The following BTG3 variants were observed in gnomAD, a reference collection of about 807,000 sequenced individuals.
The protein encoded by BTG3 is protein BTG3.
BTG3 carries 4 observed loss-of-function variants against 25.8 expected under a neutral mutation model. That is an observed-to-expected ratio of 0.16 (90% CI 0.08 to 0.36). The LOEUF is 0.36. Among genes scored for constraint, BTG3 ranks in the 10% least tolerant of loss-of-function variants. The probability of loss-of-function intolerance (pLI) is 1.00; values close to 1 mark genes in which losing one functional copy is unlikely to be tolerated. For missense variants in BTG3, 201 were observed against 304.9 expected (o/e 0.66, Z 2.54); for synonymous variants, 107 against 99.9 (o/e 1.07, Z -0.42).
intron 4 of BTG3, among the ~76,000 whole-genome samples, chr21:17,598,035 A>C (rs2061525704): frequency 6.6e-6 from 1 of 152,192 alleles, no homozygotes; most frequent in South Asian, 2.1e-4. Context: ...CCTGTTGAAG[A>C]ATGCTGTTTG....
chr21:17,611,842 A>G (rs755319090), intron 1 of BTG3: 1 of 152,208 alleles, frequency 6.6e-6, no homozygotes, highest in Non-Finnish European at 1.5e-5. Flanking sequence ...TAACTTTTGT[A>G]CTTTTCCCTC....
intron 4 of BTG3, 89 bp downstream of exon 4, chr21:17,598,528 G>A (rs2061532371): frequency 2.7e-6 from 3 of 1,117,054 alleles, no homozygotes; most frequent in Non-Finnish European, 3.8e-6. Context: ...TCTCAAGTCA[G>A]AAACCTTGGG....
intron 1 of BTG3, among the ~76,000 whole-genome samples, chr21:17,609,736 T>C (rs954729384): frequency 6.6e-6 from 1 of 152,200 alleles, no homozygotes; most frequent in Non-Finnish European, 1.5e-5. Context: ...GCAGTATTCA[T>C]AATAGCTAAA....
intron 2 of BTG3, among the ~76,000 whole-genome samples, chr21:17,607,790 G>A (rs1049807996): frequency 6.6e-6 from 1 of 152,126 alleles, no homozygotes; most frequent in African/African-American, 2.4e-5. Flanking sequence ...TATTTCTCGT[G>A]GCCACATCCA....
chr21:17,612,104 C>T (rs1476295492), intron 1 of BTG3: 3 of 152,372 alleles, frequency 2.0e-5, no homozygotes, highest in Non-Finnish European at 4.4e-5. Context: ...GAGGAGGGAT[C>T]AAACATCTCC....
At chr21:17,605,389 G>A (rs1248861649) in intron 2 of BTG3, among the ~76,000 whole-genome samples, 2 of 152,188 alleles carry the variant, frequency 1.3e-5, no homozygotes, top group Non-Finnish European at 2.9e-5. Context: ...TAATGTTTCA[G>A]ATGGTATTTG....
intron 4 of BTG3, among the ~76,000 whole-genome samples, chr21:17,595,294 G>A (rs2061490152): frequency 6.6e-6 from 1 of 151,960 alleles, no homozygotes; most frequent in African/African-American, 2.4e-5. Flanking sequence ...GCATTTCTAA[G>A]TATAGGATTT....
rs1311697497 is a variant in BTG3 at position 17,593,911 on chromosome 21, T to C, written c.*182A>G. 8 of 766,372 alleles carry C rather than the reference T, an allele frequency of 1.0e-5. No individual in the cohort carries two copies. The highest frequency in any genetic ancestry group is 5.8e-6 in the Non-Finnish European group (3 of 513,178). 47.5% of individuals were successfully genotyped at this position (766,372 alleles called of 1,614,324 possible). On this transcript the variant is annotated 3_prime_UTR_variant, in exon 5 of 5. Coordinates refer to ENST00000348354, the MANE Select transcript of BTG3 (RefSeq NM_006806.5). ...CTTTAATAAAATTTCTCAAACTATA[T>C]CAATATCTAAAGTGCATATATTTTT...
chr21:17,602,833 A>G (rs910392113), intron 3 of BTG3, among the ~76,000 whole-genome samples: 2 of 152,238 alleles, frequency 1.3e-5, no homozygotes, highest in Non-Finnish European at 2.9e-5. Context: ...ACTTATTTTA[A>G]GCATTTTAAA....
intron 1 of BTG3, chr21:17,611,578 G>A (rs1318277887): frequency 1.3e-5 from 2 of 152,258 alleles, no homozygotes; most frequent in African/African-American, 4.8e-5. Flanking sequence ...GAGAGTTACA[G>A]TCAGGGCAAG....
At chr21:17,600,545 G>A (rs1042543440) in intron 3 of BTG3, among the ~76,000 whole-genome samples, 2 of 152,100 alleles carry the variant, frequency 1.3e-5, no homozygotes, top group African/African-American at 2.4e-5. Flanking sequence ...ATGAGGCTGG[G>A]TGCAGTGGCT....
At chr21:17,610,901 A>G (rs1217180331) in intron 1 of BTG3, among the ~76,000 whole-genome samples, 1 of 152,200 alleles carries the variant, frequency 6.6e-6, no homozygotes, top group Non-Finnish European at 1.5e-5. Context: ...AAATTCAAAC[A>G]AGGAACCTCA....
intron 1 of BTG3, among the ~76,000 whole-genome samples, chr21:17,609,468 T>C (rs548951397): frequency 6.6e-6 from 1 of 152,218 alleles, no homozygotes; most frequent in Non-Finnish European, 1.5e-5. Flanking sequence ...TGATACGACA[T>C]AGATGTTACT....
At chr21:17,598,920 C>T in intron 3 of BTG3, 96 bp from the exon 4 acceptor site, 1 of 920,498 alleles carries the variant, frequency 1.1e-6, no homozygotes, top group Admixed American at 2.7e-5. Flanking sequence ...GCCATCAATA[C>T]AAGGCAAAGA....
intron 4 of BTG3, among the ~76,000 whole-genome samples, chr21:17,596,837 C>G (rs1405121139): frequency 6.6e-6 from 1 of 152,072 alleles, no homozygotes; most frequent in African/African-American, 2.4e-5. Flanking sequence ...AGAACTGACA[C>G]AATCTTCATT....
At chr21:17,598,129 G>A (rs1157230355) in intron 4 of BTG3, among the ~76,000 whole-genome samples, 2 of 152,056 alleles carry the variant, frequency 1.3e-5, no homozygotes, top group African/African-American at 2.4e-5. Context: ...GTAAGTGCAG[G>A]CACACTAGCT....
At chr21:17,598,006 A>C (rs2061525463) in intron 4 of BTG3, among the ~76,000 whole-genome samples, 1 of 152,214 alleles carries the variant, frequency 6.6e-6, no homozygotes, top group Non-Finnish European at 1.5e-5. Flanking sequence ...TTAAATTGTT[A>C]TGACTTTAAA....
chr21:17,596,857 T>C (rs2061510652), intron 4 of BTG3, among the ~76,000 whole-genome samples: 1 of 152,110 alleles, frequency 6.6e-6, no homozygotes, highest in African/African-American at 2.4e-5. Context: ...TTCTTCGTTT[T>C]TTAAGATATG....
rs1359924310 is a variant in BTG3 at position 17,601,023 on chromosome 21, C to T, written c.312-2199G>A. On this transcript the variant is annotated intron_variant, in intron 3 of 4. Coordinates refer to ENST00000348354, the MANE Select transcript of BTG3 (RefSeq NM_006806.5). ...CTAAAAATACAAAAAATTAGCCGGGCATGGTGGTGTGCGCCTGTAATCCCA... is the reference window on the plus strand; with the variant it reads ...CTAAAAATACAAAAAATTAGCCGGGTATGGTGGTGTGCGCCTGTAATCCCA... Among the ~76,000 whole-genome samples the T allele has an allele frequency of 2.6e-5, 4 of 152,086 alleles. No individual in the cohort carries two copies. The South Asian group carries it at 8.3e-4, about 32-fold the overall frequency.
Sources: allele counts gnomAD v4.1 joint callset (sites outside exome capture counted in the v4.1 genomes callset), GRCh38; gene constraint gnomAD v4.1.1; transcripts MANE v1.5; gene names NCBI Gene and HGNC (gene_info 2026-07-23, HGNC 2026-07-21).